GNAQ: variants seen among roughly 807,000 people sequenced by gnomAD.
GNAQ encodes the protein G protein subunit alpha q, also known as guanine nucleotide-binding protein G(q) subunit alpha.
In GNAQ, 8 loss-of-function variants were observed where a neutral mutation model predicts 43.9. The observed-to-expected ratio is 0.18, with a 90% CI of 0.11 to 0.33. GNAQ has a LOEUF of 0.33. Ranked by LOEUF, GNAQ falls within the 10% of genes least tolerant of loss-of-function variation. GNAQ has a pLI of 1.00. For synonymous variants in GNAQ, 155 were observed against 170.7 expected, an observed-to-expected ratio of 0.91 and a Z score of 0.71; for missense variants, 158 against 450.8, an observed-to-expected ratio of 0.35 and a Z score of 5.88.
intron 1 of GNAQ, among the ~76,000 whole-genome samples, chr9:77,932,116 T>C (rs1200708583): frequency 2.0e-5 from 3 of 152,190 alleles, no homozygotes; most frequent in African/African-American, 7.2e-5. Flanking sequence ...GAAGCTGCCT[T>C]TGGTTTTGAT....
At chr9:77,791,678 T>C (rs1011404750) in intron 5 of GNAQ, among the ~76,000 whole-genome samples, 18 of 152,232 alleles carry the variant, frequency 1.2e-4, no homozygotes. Context: ...TTTAGAAATA[T>C]TAAAAAGCAA....
At chr9:77,889,259 T>C (rs2118100759) in intron 2 of GNAQ, among the ~76,000 whole-genome samples, 1 of 150,424 alleles carries the variant, frequency 6.6e-6, no homozygotes, top group South Asian at 2.1e-4. Context: ...AAAAAAAAAA[T>C]TAGCCGGGTG....
intron 2 of GNAQ, among the ~76,000 whole-genome samples, chr9:77,841,644 T>C (rs911349033): frequency 1.3e-5 from 2 of 152,212 alleles, no homozygotes; most frequent in Non-Finnish European, 2.9e-5. Context: ...TCAAGGGTTG[T>C]GCCCAACTAT....
rs1823571094 is a variant in GNAQ at position 77,996,639 on chromosome 9, C to T, written c.136+34461G>A. Among the ~76,000 whole-genome samples, 6 of 136,490 alleles carry T rather than the reference C, an allele frequency of 4.4e-5. No homozygotes were observed. In the South Asian group the frequency reaches 1.1e-3, roughly 25 times the overall value. 89.5% of individuals were successfully genotyped at this position (136,490 alleles called of 152,430 possible). On this transcript the variant is annotated intron_variant, in intron 1 of 6. Transcript: ENST00000286548. The stretch of plus-strand genomic sequence containing the variant: ...CTTGCAGTGAGCTGAGATCGCGCCA[C>T]TGCATTCCAGCCCGGACAACAGAGC...
chr9:77,846,916 G>A (rs181904540), intron 2 of GNAQ, among the ~76,000 whole-genome samples: 1,714 of 152,218 alleles, frequency 0.011, 31 homozygotes, highest in Non-Finnish European at 0.014. Context: ...TTCACTGGGA[G>A]GGAACTCAGA....
chr9:77,759,063 T>C lies in GNAQ; in HGVS notation c.736-30396A>G, dbSNP rs180869592. On this transcript the variant is annotated intron_variant, in intron 5 of 6. Transcript: ENST00000286548. ...CTTAGGATATTAAACAATTTGAATA[T>C]GTACGAGTCTCTAAAGACACAGTTT... Among the ~76,000 whole-genome samples, 401 of 152,302 alleles carry C rather than the reference T, an allele frequency of 2.6e-3. 1 individual carries two copies. The highest frequency in any genetic ancestry group is 6.8e-3 in the Middle Eastern group (2 of 294).
chr9:77,952,154 C>T (rs113854358), intron 1 of GNAQ, among the ~76,000 whole-genome samples: 168 of 152,286 alleles, frequency 1.1e-3, no homozygotes, highest in African/African-American at 3.9e-3. Context: ...CTCTAACCCA[C>T]TTAACAAAGT....
chr9:77,911,973 A>C (rs1459746076), intron 2 of GNAQ, among the ~76,000 whole-genome samples: 1 of 152,210 alleles, frequency 6.6e-6, no homozygotes, highest in Admixed American at 6.5e-5. Context: ...GGCCTCAAGA[A>C]AAAGGAAGAT....
intron 1 of GNAQ, among the ~76,000 whole-genome samples, chr9:78,014,759 T>C (rs187334882): frequency 4.2e-4 from 64 of 152,256 alleles, no homozygotes; most frequent in Admixed American, 2.0e-3. Context: ...TAAAAGGTAA[T>C]GCGGTAATGA....
At chr9:77,917,885 C>T (rs549135513) in intron 2 of GNAQ, among the ~76,000 whole-genome samples, 1 of 152,282 alleles carries the variant, frequency 6.6e-6, no homozygotes, top group African/African-American at 2.4e-5. Flanking sequence ...GATACACACT[C>T]GGGGAAGAAT....
intron 2 of GNAQ, among the ~76,000 whole-genome samples, chr9:77,874,687 C>T (rs10869981): frequency 0.093 from 14,132 of 151,908 alleles, 1,384 homozygotes; most frequent in African/African-American, 0.21. Context: ...TGTCATAGCG[C>T]GATCATGGCT....
rs539379703 is a variant in GNAQ, at chr9:77,769,664, CTTTTTT to C, written c.735+24793_735+24798del. On this transcript the variant is annotated intron_variant, in intron 5 of 6. Coordinates refer to ENST00000286548, the MANE Select transcript of GNAQ (RefSeq NM_002072.5). Reference sequence around the variant, plus strand: ...TCTTTAGTAGAAAAAGACAAGAACTCTTTTTTTTTTTTTTTTTTGGGATGGAGTCTC... The same window carrying C: ...TCTTTAGTAGAAAAAGACAAGAACTCTTTTTTTTTTTTGGGATGGAGTCTC... Among the ~76,000 whole-genome samples the C allele has an allele frequency of 7.4e-4, 95 of 129,112 alleles. 2 individuals carry two copies. The Middle Eastern group carries it at 0.038, about 51-fold the overall frequency. 84.7% of individuals were successfully genotyped at this position (129,112 alleles called of 152,430 possible).
intron 2 of GNAQ, among the ~76,000 whole-genome samples, chr9:77,845,725 C>A (rs922361327): frequency 2.0e-4 from 30 of 152,116 alleles, no homozygotes; most frequent in Non-Finnish European, 2.2e-4. Flanking sequence ...AAACTTTACA[C>A]AGTATAAACA....
chr9:77,916,589 A>G (rs1828909393), intron 2 of GNAQ, among the ~76,000 whole-genome samples: 1 of 152,152 alleles, frequency 6.6e-6, no homozygotes, highest in Non-Finnish European at 1.5e-5. Context: ...CTTAGAGAGG[A>G]CAAAAGGCAC....
At chr9:77,821,167 C>T (rs1005777441) in intron 2 of GNAQ, among the ~76,000 whole-genome samples, 1 of 152,112 alleles carries the variant, frequency 6.6e-6, no homozygotes, top group African/African-American at 2.4e-5. Flanking sequence ...GTTTGTTCTT[C>T]TATCATTAGA....
chr9:77,747,357 C>T (rs1447269408), intron 5 of GNAQ, among the ~76,000 whole-genome samples: 1 of 152,030 alleles, frequency 6.6e-6, no homozygotes, highest in African/African-American at 2.4e-5. Flanking sequence ...AAAACCAGAA[C>T]CTTTTAACTC....
intron 5 of GNAQ, among the ~76,000 whole-genome samples, chr9:77,777,671 G>A (rs773895752): frequency 8.6e-5 from 13 of 151,850 alleles, no homozygotes; most frequent in Non-Finnish European, 1.9e-4. Context: ...ATAGGCAGAG[G>A]ATCTAAATAG....
intron 1 of GNAQ, among the ~76,000 whole-genome samples, chr9:78,000,398 C>G (rs868467231): frequency 6.6e-6 from 1 of 152,052 alleles, no homozygotes; most frequent in South Asian, 2.1e-4. Context: ...GTGGCAGATG[C>G]TACATCACAT....
At chr9:77,858,924 G>C (rs575097185) in intron 2 of GNAQ, among the ~76,000 whole-genome samples, 1 of 152,006 alleles carries the variant, frequency 6.6e-6, no homozygotes, top group Admixed American at 6.5e-5. Context: ...CCTTCCGTTG[G>C]TGCCTCTGTA....
Sources: gnomAD v4.1 joint callset for allele counts (sites outside exome capture counted in the v4.1 genomes callset) on GRCh38, gnomAD v4.1.1 for gene constraint, MANE v1.5 for transcripts, NCBI Gene and HGNC (gene_info 2026-07-23, HGNC 2026-07-21) for gene names.